Variants in CR1 observed in about 807,000 individuals in gnomAD.
The protein encoded by CR1 is complement receptor type 1.
Under a neutral mutation model 187.3 loss-of-function variants are expected in CR1, and 116 were observed. The observed-to-expected ratio is 0.62, with a 90% CI of 0.53 to 0.72. CR1 has a LOEUF of 0.72. Among genes scored for constraint, CR1 ranks in the 30% least tolerant of loss-of-function variants. The probability of loss-of-function intolerance (pLI) is 0.00; values close to 1 mark genes in which losing one functional copy is unlikely to be tolerated. For synonymous variants in CR1, 576 were observed against 747.1 expected (o/e 0.77, Z 3.73); for missense variants, 1,731 against 2,110.7 (o/e 0.82, Z 3.52).
chr1:207,503,106 G>C (rs971610048), intron 1 of CR1, among the ~76,000 whole-genome samples: 1 of 152,150 alleles, frequency 6.6e-6, no homozygotes, highest in East Asian at 1.9e-4. Context: ...GGTAATAATC[G>C]TAAGTATAAT....
intron 29 of CR1, 58 bp downstream of exon 29, chr1:207,578,261 A>C: frequency 6.2e-7 from 1 of 1,611,642 alleles, no homozygotes; most frequent in Non-Finnish European, 8.5e-7. Context: ...CTGTTGGATC[A>C]GGAGATGAGT....
intron 24 of CR1, among the ~76,000 whole-genome samples, chr1:207,567,581 A>G (rs1407641894): frequency 6.6e-6 from 1 of 150,382 alleles, no homozygotes; most frequent in Non-Finnish European, 1.5e-5. Flanking sequence ...ACTTCATTAA[A>G]GTTGTAAAGT....
chr1:207,612,106 G>C, intron 39 of CR1, 65 bp downstream of exon 39: 3 of 1,519,902 alleles, frequency 2.0e-6, no homozygotes, highest in South Asian at 2.3e-5. Context: ...GAGATCAGGG[G>C]TTAATCCAAT....
chr1:207,514,358 GT>G (rs201368999), intron 4 of CR1, among the ~76,000 whole-genome samples: 2,225 of 152,176 alleles, frequency 0.015, 61 homozygotes, highest in African/African-American at 0.051. Context: ...TGGTCTGAAC[GT>G]TTGAGTCCAC....
rs148593452 is a variant in CR1 at position 207,611,967 on chromosome 1, A to G, written c.6501A>G (p.Gln2167=). 1 of 1,613,794 alleles carries G rather than the reference A, an allele frequency of 6.2e-7. No homozygotes were observed. The highest frequency in any genetic ancestry group is 8.5e-7 in the Non-Finnish European group (1 of 1,179,874). Residue 2167 remains glutamine, a synonymous_variant, in exon 39 of 47, where the codon CAA becomes CAG. Coordinates refer to ENST00000367049, the MANE Select transcript of CR1 (RefSeq NM_000651.6). ...AATCCTGTGATGACTTCCTGGGCCA[A>G]CTCCCTCATGGCCGTGTGCTACTTC... ...TVKSCDDFLG[Q]LPHGRVLLPL...
intron 46 of CR1, among the ~76,000 whole-genome samples, chr1:207,634,816 G>A (rs1662763887): frequency 6.6e-6 from 1 of 152,206 alleles, no homozygotes; most frequent in African/African-American, 2.4e-5. Flanking sequence ...AAGATGACCA[G>A]TTCCTATTTC....
At position 207,578,012 on chromosome 1, in the gene CR1, G is replaced by A. The variant is rs747336966; in HGVS notation, c.4745G>A (p.Cys1582Tyr). 3 of 1,611,752 alleles carry A rather than the reference G, an allele frequency of 1.9e-6. No homozygotes were observed. Among genetic ancestry groups the A allele is most frequent in the South Asian group, 2.2e-5 (2 of 90,992 alleles). The part of the protein sequence containing the change: ...VGIWSGPAPQ[C>Y]IIPNKCTPPN... Reference sequence around the variant, plus strand: ...ATCTGGAGCGGCCCCGCCCCTCAGTGCATTATACCTAACAAATGCACGCCT... The same window carrying A: ...ATCTGGAGCGGCCCCGCCCCTCAGTACATTATACCTAACAAATGCACGCCT... The change falls in exon 29 of 47, where the codon TGC (cysteine) becomes TAC (tyrosine). Residue 1582 changes from cysteine (C) to tyrosine (Y), a missense_variant. By Grantham distance (194) the Cys-to-Tyr change is radical. Coordinates refer to ENST00000367049, the MANE Select transcript of CR1 (RefSeq NM_000651.6).
chr1:207,580,361 G>A lies in CR1; in HGVS notation c.5058G>A (p.Ala1686=), dbSNP rs373961124. Residue 1686 remains alanine, a synonymous_variant, in exon 30 of 47, where the codon GCG becomes GCA. Transcript: ENST00000367049. ...CTGGCTATGACCTCAGAGGGGCTGC[G>A]TCTCTGCACTGCACACCCCAGGGAG... The part of the protein sequence containing the change: ...CEPGYDLRGA[A]SLHCTPQGDW... 8.4e-5 allele frequency: 135 copies of A among 1,613,816 alleles called. No individual in the cohort carries two copies. The highest frequency in any genetic ancestry group is 1.6e-4 in the Middle Eastern group (1 of 6,084).
intron 4 of CR1, among the ~76,000 whole-genome samples, chr1:207,521,611 A>ATCTG (rs958194566): frequency 7.1e-6 from 1 of 141,050 alleles, no homozygotes; most frequent in Non-Finnish European, 1.5e-5. Context: ...TATTTTCCAA[A>ATCTG]TCTGCCCTCT....
chr1:207,616,711 T>A lies in CR1; in HGVS notation c.6798T>A (p.Ile2266=). 1 of 1,613,758 alleles carries A rather than the reference T, an allele frequency of 6.2e-7. No individual in the cohort carries two copies. The highest frequency in any genetic ancestry group is 8.5e-7 in the Non-Finnish European group (1 of 1,179,812). The change falls in exon 41 of 47, where the codon ATT becomes ATA. Residue 2266 remains isoleucine, a synonymous_variant. Transcript: ENST00000367049. The part of the protein sequence containing the change: ...HPDRGMTFNL[I]GESSIRCTSD... Reference sequence around the variant, plus strand: ...ACAGAGGGATGACCTTCAACCTCATTGGGGAGAGCTCCATCCGCTGCACAA... The same window carrying A: ...ACAGAGGGATGACCTTCAACCTCATAGGGGAGAGCTCCATCCGCTGCACAA...
chr1:207,627,186 G>T (rs1205070766), intron 45 of CR1, among the ~76,000 whole-genome samples: 1 of 152,126 alleles, frequency 6.6e-6, no homozygotes, highest in Non-Finnish European at 1.5e-5. Flanking sequence ...TAGTAAAGAT[G>T]ACATGACCCC....
chr1:207,587,476 A>C lies in CR1; in HGVS notation c.5621A>C (p.Tyr1874Ser), dbSNP rs1661145242. Residue 1874 changes from tyrosine to serine, a missense_variant, in exon 34 of 47, where the codon TAT becomes TCT. This residue lies in a region of CR1 where 1,312 missense variants were observed against 1,379.6 expected (regional missense o/e 0.95). Coordinates refer to ENST00000367049, the MANE Select transcript of CR1 (RefSeq NM_000651.6). The part of the protein sequence containing the change: ...FEFPVGTSLN[Y>S]ECRPGYFGKM... ...TTTCCAGTCGGGACATCTTTGAATT[A>C]TGAATGCCGTCCTGGGTATTTTGGG... 6.2e-7 allele frequency: 1 copy of C among 1,613,870 alleles called. No homozygotes were observed.
intron 46 of CR1, among the ~76,000 whole-genome samples, chr1:207,634,305 G>A (rs1662745228): frequency 6.6e-6 from 1 of 152,242 alleles, no homozygotes; most frequent in Admixed American, 6.5e-5. Context: ...TTTTCGGTAG[G>A]TATAAAGTCC....
intron 32 of CR1, 38 bp from the exon 33 acceptor site, chr1:207,584,611 A>T: frequency 2.5e-6 from 4 of 1,601,994 alleles, no homozygotes; most frequent in African/African-American, 2.7e-5. Context: ...ATACTTTAAA[A>T]TTTTTTATGG....
intron 35 of CR1, among the ~76,000 whole-genome samples, chr1:207,599,994 G>A (rs7539922): frequency 0.2 from 30,765 of 152,042 alleles, 3,405 homozygotes; most frequent in South Asian, 0.44. Flanking sequence ...AGCAAGAGAC[G>A]GCAAAATTTT....
intron 1 of CR1, among the ~76,000 whole-genome samples, chr1:207,505,310 A>G (rs952893646): frequency 6.6e-6 from 1 of 152,026 alleles, no homozygotes; most frequent in African/African-American, 2.4e-5. Context: ...TGTACAGGCA[A>G]GTGCAATCAT....
At chr1:207,630,098 A>G (rs980696441) in intron 45 of CR1, among the ~76,000 whole-genome samples, 1 of 152,228 alleles carries the variant, frequency 6.6e-6, no homozygotes, top group African/African-American at 2.4e-5. Flanking sequence ...TTGCTTGTAC[A>G]GAAAACAGAA....
At chr1:207,625,576 G>A (rs112116427) in intron 45 of CR1, among the ~76,000 whole-genome samples, 7,828 of 152,302 alleles carry the variant, frequency 0.051, 700 homozygotes, top group African/African-American at 0.18. Flanking sequence ...AGAAAGAGAT[G>A]AATTAATACA....
intron 35 of CR1, among the ~76,000 whole-genome samples, chr1:207,602,894 AT>A (rs1195485081): frequency 3.3e-5 from 5 of 152,140 alleles, no homozygotes; most frequent in Non-Finnish European, 7.4e-5. Context: ...GAAAAATACC[AT>A]TCACAACAGA....
Sources: gnomAD v4.1 joint callset for allele counts (sites outside exome capture counted in the v4.1 genomes callset) on GRCh38, gnomAD v4.1.1 for gene constraint, gnomAD v4.1.1 regional missense constraint, MANE v1.5 for transcripts, NCBI Gene and HGNC (gene_info 2026-07-23, HGNC 2026-07-21) for gene names.